BLCAP: variants seen among roughly 807,000 people sequenced by gnomAD.
BLCAP encodes the protein BLCAP apoptosis inducing factor, also known as apoptosis inducing factor BLCAP.
Under a neutral mutation model 5.7 loss-of-function variants are expected in BLCAP, and 1 was observed. The ratio of observed to expected loss-of-function variants is 0.18; its 90% CI spans 0.06 to 0.83. BLCAP has a LOEUF of 0.83. Among genes scored for constraint, BLCAP ranks in the 40% least tolerant of loss-of-function variants. The pLI, the probability that BLCAP is intolerant of heterozygous loss-of-function variation, is 0.71. For synonymous variants in BLCAP, 48 were observed against 49.4 expected (o/e 0.97, Z 0.11); for missense variants, 66 against 107.6 (o/e 0.61, Z 1.71).
At chr20:37,522,847 TG>T in intron 1 of BLCAP, 1 of 1,241,800 alleles carries the variant, frequency 8.1e-7, no homozygotes, top group Non-Finnish European at 1.1e-6. Context: ...CGCAGGAATG[TG>T]GGGTCCCCTG....
At chr20:37,522,533 G>A (rs1300995921) in intron 1 of BLCAP, 1 of 1,158,626 alleles carries the variant, frequency 8.6e-7, no homozygotes, top group South Asian at 1.5e-5. Flanking sequence ...GACAAGCTGC[G>A]CCCGCGCCCG....
rs984576362 is a variant in BLCAP, at chr20:37,519,096, T to C, written c.79A>G (p.Met27Val). ...LNPALWFSHS[M>V]FMGFYLLSFL... ...CTGAGCAGGTAGAAGCCCATGAACA[T>C]GGAGTGGCTGAACCACAGGGCGGGG... The change falls in exon 2 of 2, where the codon ATG (methionine) becomes GTG (valine). Residue 27 changes from methionine to valine, a missense_variant. Physicochemically the swap from Met to Val is conservative, Grantham distance 21. Coordinates refer to ENST00000373537, the MANE Select transcript of BLCAP (RefSeq NM_006698.4). 5 of 1,613,588 alleles carry C rather than the reference T, an allele frequency of 3.1e-6. No individual in the cohort carries two copies. The African/African-American group carries it at 4.0e-5, about 13-fold the overall frequency.
intron 1 of BLCAP, among the ~76,000 whole-genome samples, chr20:37,526,409 G>A (rs2071723209): frequency 6.6e-6 from 1 of 151,738 alleles, no homozygotes; most frequent in South Asian, 2.1e-4. Flanking sequence ...GAGACACGTT[G>A]TCACCATCTT....
chr20:37,518,664 C>T lies in BLCAP; in HGVS notation c.*247G>A. On this transcript the variant is annotated 3_prime_UTR_variant, in exon 2 of 2. Transcript: ENST00000373537. Reference sequence around the variant, plus strand: ...GCGAGAGGGGTGGTCATGCGGCCAGCCAGGACCTAGATGGGGACAGAACAC... The same window carrying T: ...GCGAGAGGGGTGGTCATGCGGCCAGTCAGGACCTAGATGGGGACAGAACAC... The T allele has an allele frequency of 1.8e-6, 1 of 546,424 alleles. No homozygotes were observed. Among genetic ancestry groups the T allele is most frequent in the South Asian group, 2.3e-5 (1 of 44,108 alleles). 33.8% of individuals were successfully genotyped at this position (546,424 alleles called of 1,614,324 possible). A position where few individuals can be genotyped will look rare whatever the true frequency, so the allele number is the denominator to read the frequency against.
chr20:37,523,043 G>A, intron 1 of BLCAP: 1 of 391,068 alleles, frequency 2.6e-6, no homozygotes. Context: ...CTGGGCATAG[G>A]CACCGCATTC....
At position 37,519,250 on chromosome 20, in the gene BLCAP, C is replaced by A. The variant is rs1210066382; in HGVS notation, c.-76G>T. ...AACCGACCTAATGGGAGCCAGCGGG[C>A]GCAGGCGGCTGCCCTCCGCTTTCTT... is the stretch of plus-strand genomic sequence containing the variant. On this transcript the variant is annotated 5_prime_UTR_variant, in exon 2 of 2. Coordinates refer to ENST00000373537, the MANE Select transcript of BLCAP (RefSeq NM_006698.4). The A allele has an allele frequency of 1.4e-6, 2 of 1,475,506 alleles. No homozygotes were observed. The highest frequency in any genetic ancestry group is 2.8e-5 in the African/African-American group (2 of 70,760). The allele number at this position is 1,475,506 out of a possible 1,614,324, so 91.4% of individuals were successfully genotyped here. A position where few individuals can be genotyped will look rare whatever the true frequency, so the allele number is the denominator to read the frequency against.
rs2071440427 is a variant in BLCAP at position 37,518,060 on chromosome 20, T to G, written c.*851A>C. 1 of 152,494 alleles carries G rather than the reference T, an allele frequency of 6.6e-6. No homozygotes were observed. 9.4% of individuals were successfully genotyped at this position (152,494 alleles called of 1,614,324 possible). A position where few individuals can be genotyped will look rare whatever the true frequency, so the allele number is the denominator to read the frequency against. ...AGGCCGTTACGAAACACACAGGTAC[T>G]CTCCCACTCACTCAGCTGGGGACTG... is the stretch of plus-strand genomic sequence containing the variant. On this transcript the variant is annotated 3_prime_UTR_variant, in exon 2 of 2. Coordinates refer to ENST00000373537, the MANE Select transcript of BLCAP (RefSeq NM_006698.4).
chr20:37,519,885 C>T (rs2147184817), intron 1 of BLCAP, among the ~76,000 whole-genome samples: 1 of 152,364 alleles, frequency 6.6e-6, no homozygotes, highest in Admixed American at 6.5e-5. Flanking sequence ...GCCACCAGAC[C>T]ACAGGCAAAG....
At position 37,521,645 on chromosome 20, in the gene BLCAP, G is replaced by A. The variant is rs574195159; in HGVS notation, c.-176-2295C>T. 9.5e-6 allele frequency: 5 copies of A among 525,530 alleles called. No individual in the cohort carries two copies. In the Admixed American group the frequency reaches 1.7e-4, roughly 18 times the overall value. 32.6% of individuals were successfully genotyped at this position (525,530 alleles called of 1,614,324 possible). A position where few individuals can be genotyped will look rare whatever the true frequency, so the allele number is the denominator to read the frequency against. On this transcript the variant is annotated intron_variant, in intron 1 of 1. Transcript: ENST00000373537. This position sits in a 1 kb window ranked among gnomAD's most constrained non-coding sequence, Gnocchi z 4.5. ...GGAACAAAGACTCGGGGCGCGGCGG[G>A]CGACCGCTGCGGACGATCACCCAGG...
intron 1 of BLCAP, among the ~76,000 whole-genome samples, chr20:37,527,366 C>G (rs557116961): frequency 2.7e-5 from 4 of 150,736 alleles, no homozygotes; most frequent in South Asian, 2.1e-4. Context: ...CACCTCCCCC[C>G]CAAAAAAGCA....
In BLCAP at chr20:37,522,423, C is replaced by T. The variant is rs146216449; in HGVS notation, c.-176-3073G>A. On this transcript the variant is annotated intron_variant, in intron 1 of 1. Transcript: ENST00000373537. ...TTCGAAATCCTCCAGGGACACAGCCCATTGCGAGAAGTGAGGTATACCTAA... is the reference window on the plus strand; with the variant it reads ...TTCGAAATCCTCCAGGGACACAGCCTATTGCGAGAAGTGAGGTATACCTAA... The T allele has an allele frequency of 5.6e-4, 906 of 1,613,940 alleles. 6 individuals are homozygous for T. The highest frequency in any genetic ancestry group is 3.0e-3 in the Middle Eastern group (18 of 5,974).
At position 37,521,077 on chromosome 20, in the gene BLCAP, G is replaced by A. The variant is rs529796260; in HGVS notation, c.-176-1727C>T. Reference sequence around the variant, plus strand: ...GCGGAATCTTCTGGAAGGGGGCTAAGATGGAACTCAGGAGGCGGGGGTCGG... The same window carrying A: ...GCGGAATCTTCTGGAAGGGGGCTAAAATGGAACTCAGGAGGCGGGGGTCGG... On this transcript the variant is annotated intron_variant, in intron 1 of 1. Coordinates refer to ENST00000373537, the MANE Select transcript of BLCAP (RefSeq NM_006698.4). This position sits in a 1 kb window ranked among gnomAD's most constrained non-coding sequence, Gnocchi z 4.5. 1.8e-6 allele frequency: 1 copy of A among 552,712 alleles called. No homozygotes were observed. The highest frequency in any genetic ancestry group is 3.3e-6 in the Non-Finnish European group (1 of 306,526). 34.2% of individuals were successfully genotyped at this position (552,712 alleles called of 1,614,324 possible). A position where few individuals can be genotyped will look rare whatever the true frequency, so the allele number is the denominator to read the frequency against.
rs143050474 is a variant in BLCAP at position 37,518,999 on chromosome 20, T to C, written c.176A>G (p.Tyr59Cys). ...VFLAALFLICYSCWGNCFLYH... is the reference protein window; with the variant it reads ...VFLAALFLICCSCWGNCFLYH... ...CAGGAAACAGTTTCCCCAGCAGCTA[T>C]AGCAGATAAGGAACAGGGCTGCCAG... The change falls in exon 2 of 2, where the codon TAT (tyrosine) becomes TGT (cysteine). Residue 59 changes from tyrosine (Y) to cysteine (C), a missense_variant. By Grantham distance (194) the Tyr-to-Cys change is radical (BLOSUM62 -2). Coordinates refer to ENST00000373537, the MANE Select transcript of BLCAP (RefSeq NM_006698.4). The C allele has an allele frequency of 6.4e-5, 104 of 1,614,086 alleles. No individual in the cohort carries two copies. Among genetic ancestry groups the C allele is most frequent in the Admixed American group, 1.8e-4 (11 of 60,002 alleles).
chr20:37,524,958 A>T (rs6019103), intron 1 of BLCAP, among the ~76,000 whole-genome samples: 3 of 152,060 alleles, frequency 2.0e-5, no homozygotes, highest in Non-Finnish European at 2.9e-5. Flanking sequence ...AAACTGCCAT[A>T]GCAGTGGCAA....
rs146399391 is a variant in BLCAP, at chr20:37,519,537, ACTC to A, written c.-176-190_-176-188del. Among the ~76,000 whole-genome samples, 1,248 of 151,226 alleles carry A rather than the reference ACTC, an allele frequency of 8.3e-3. 21 individuals are homozygous for A. The highest frequency in any genetic ancestry group is 0.029 in the African/African-American group (1,193 of 41,096). On this transcript the variant is annotated intron_variant, in intron 1 of 1. Transcript: ENST00000373537. ...CTCCCTGCCCACCCGTGAAAGTTCTACTCCTCTCCAAGTCACTAATTCGGGAAG... is the reference window on the plus strand; with the variant it reads ...CTCCCTGCCCACCCGTGAAAGTTCTACTCTCCAAGTCACTAATTCGGGAAG...
At position 37,518,730 on chromosome 20, in the gene BLCAP, TA is replaced by T. The variant is rs2147181793; in HGVS notation, c.*180del. On this transcript the variant is annotated 3_prime_UTR_variant, in exon 2 of 2. Coordinates refer to ENST00000373537, the MANE Select transcript of BLCAP (RefSeq NM_006698.4). ...CACCCACGACTATAGGACTTTACAATAAAAGCACCGGTCAGTGCCATTATTC... is the reference window on the plus strand; with the variant it reads ...CACCCACGACTATAGGACTTTACAATAAAGCACCGGTCAGTGCCATTATTC... The T allele has an allele frequency of 1.1e-6, 1 of 889,414 alleles. No individual in the cohort carries two copies. Among genetic ancestry groups the T allele is most frequent in the African/African-American group, 1.7e-5 (1 of 59,296 alleles). 55.1% of individuals were successfully genotyped at this position (889,414 alleles called of 1,614,324 possible). A position where few individuals can be genotyped will look rare whatever the true frequency, so the allele number is the denominator to read the frequency against.
Position 37,521,285 on chromosome 20 carries a change from C to G in BLCAP, c.-176-1935G>C, listed in dbSNP as rs373447659. 1.3e-6 allele frequency: 2 copies of G among 1,598,130 alleles called. No individual in the cohort carries two copies. Among genetic ancestry groups the G allele is most frequent in the South Asian group, 1.1e-5 (1 of 90,722 alleles). On this transcript the variant is annotated intron_variant, in intron 1 of 1. Coordinates refer to ENST00000373537, the MANE Select transcript of BLCAP (RefSeq NM_006698.4). The surrounding 1 kb of genome is among the most constrained non-coding windows in gnomAD (Gnocchi z 4.5). Reference sequence around the variant, plus strand: ...ACAGCGGACTCCGAGACCAGCGGATCTCGGCAAACCCTCTTTCTCGACCAC... The same window carrying G: ...ACAGCGGACTCCGAGACCAGCGGATGTCGGCAAACCCTCTTTCTCGACCAC...
At chr20:37,526,744 AC>A (rs772582582) in intron 1 of BLCAP, 19 of 152,370 alleles carry the variant, frequency 1.2e-4, no homozygotes, top group Admixed American at 7.8e-4. Context: ...GTCACTGGAA[AC>A]CGACCAGGCT....
chr20:37,517,644 A>T lies in BLCAP; in HGVS notation c.*1267T>A, dbSNP rs529766737. 1 of 152,706 alleles carries T rather than the reference A, an allele frequency of 6.5e-6. No homozygotes were observed. The highest frequency in any genetic ancestry group is 2.4e-5 in the African/African-American group (1 of 41,584). 9.5% of individuals were successfully genotyped at this position (152,706 alleles called of 1,614,324 possible). A position where few individuals can be genotyped will look rare whatever the true frequency, so the allele number is the denominator to read the frequency against. The stretch of plus-strand genomic sequence containing the variant: ...AAGGACAGGCATGCTGATCTCCAGC[A>T]GGCAGGGGCCAGGAGAAAGTCTCGT... On this transcript the variant is annotated 3_prime_UTR_variant, in exon 2 of 2. Transcript: ENST00000373537.
Sources: gnomAD v4.1 joint callset for allele counts (sites outside exome capture counted in the v4.1 genomes callset) on GRCh38, gnomAD v4.1.1 for gene constraint, Gnocchi (gnomAD v3.1) non-coding constraint, MANE v1.5 for transcripts, NCBI Gene and HGNC (gene_info 2026-07-23, HGNC 2026-07-21) for gene names.